CCDC178: variants seen among roughly 807,000 people sequenced by gnomAD.
CCDC178 encodes the protein coiled-coil domain-containing protein 178.
In CCDC178, 126 loss-of-function variants were observed where a neutral mutation model predicts 117.4. The observed-to-expected ratio is 1.07, with a 90% CI of 0.93 to 1.24. The LOEUF is 1.24. CCDC178 is among the 50% of genes most tolerant of loss of function. The probability of loss-of-function intolerance (pLI) is 0.00; values close to 1 mark genes in which losing one functional copy is unlikely to be tolerated. For synonymous variants in CCDC178, 283 were observed against 313.4 expected (o/e 0.90, Z 1.02); for missense variants, 1,030 against 986.9 (o/e 1.04, Z -0.59).
intron 20 of CCDC178, among the ~76,000 whole-genome samples, chr18:33,145,244 C>T (rs943385507): frequency 4.6e-5 from 7 of 152,156 alleles, no homozygotes; most frequent in African/African-American, 1.2e-4. Context: ...ATATTTATCA[C>T]GATTCCATTT....
intron 4 of CCDC178, 101 bp downstream of exon 4, chr18:33,397,048 G>A: frequency 1.3e-6 from 1 of 750,338 alleles, no homozygotes; most frequent in Non-Finnish European, 2.2e-6. Flanking sequence ...AGGAAGAACA[G>A]AAGAATGCCT....
intron 15 of CCDC178, among the ~76,000 whole-genome samples, chr18:33,236,279 G>C (rs950675257): frequency 6.6e-6 from 1 of 152,122 alleles, no homozygotes; most frequent in Non-Finnish European, 1.5e-5. Context: ...AGATTTTCAT[G>C]AATCAGTCCA....
chr18:32,962,831 C>T lies in CCDC178; in HGVS notation c.2523+11716G>A, dbSNP rs577375271. On this transcript the variant is annotated intron_variant, in intron 22 of 22. Transcript: ENST00000383096. The stretch of plus-strand genomic sequence containing the variant: ...TTTATGGTTTCAGTGCACTCACCAT[C>T]GGCAGATAATAAATCAAGTTACATT... Among the ~76,000 whole-genome samples, 13 of 152,002 alleles carry T rather than the reference C, an allele frequency of 8.6e-5. 1 individual carries two copies. Among genetic ancestry groups the T allele is most frequent in the Middle Eastern group, 6.8e-3 (2 of 294 alleles).
chr18:33,138,085 T>G (rs1312409609), intron 20 of CCDC178, among the ~76,000 whole-genome samples: 1 of 152,150 alleles, frequency 6.6e-6, no homozygotes, highest in Admixed American at 6.6e-5. Flanking sequence ...AGGGGGAAAT[T>G]TATGTGAAAG....
chr18:33,330,856 T>G (rs1055102715), intron 10 of CCDC178, among the ~76,000 whole-genome samples: 3 of 152,072 alleles, frequency 2.0e-5, no homozygotes, highest in Non-Finnish European at 4.4e-5. Context: ...TGGAGAATAA[T>G]ATGTTTTACT....
intron 15 of CCDC178, among the ~76,000 whole-genome samples, chr18:33,229,376 T>C (rs932354509): frequency 3.3e-5 from 5 of 152,322 alleles, no homozygotes; most frequent in Admixed American, 3.3e-4. Context: ...GCAGTTACAT[T>C]CACATAACAA....
intron 3 of CCDC178, among the ~76,000 whole-genome samples, chr18:33,410,410 A>C (rs2144893237): frequency 6.6e-6 from 1 of 152,344 alleles, no homozygotes; most frequent in Admixed American, 6.5e-5. Flanking sequence ...CTTTTGCTTA[A>C]GCTTTACAAA....
intron 2 of CCDC178, 76 bp from the exon 3 acceptor site, chr18:33,412,186 T>A: frequency 1.8e-6 from 1 of 562,536 alleles, no homozygotes; most frequent in South Asian, 2.8e-5. Context: ...AATTGTCAAT[T>A]CAAGAACTGA....
At chr18:33,343,352 C>T (rs1259067086) in intron 9 of CCDC178, among the ~76,000 whole-genome samples, 3 of 152,094 alleles carry the variant, frequency 2.0e-5, no homozygotes, top group Non-Finnish European at 4.4e-5. Flanking sequence ...TCATATACTA[C>T]CAAATTCATG....
chr18:33,061,523 T>A (rs1021149801), intron 21 of CCDC178, among the ~76,000 whole-genome samples: 1 of 152,198 alleles, frequency 6.6e-6, no homozygotes, highest in African/African-American at 2.4e-5. Context: ...TGCTTCCTGA[T>A]ATCGTACACT....
intron 21 of CCDC178, among the ~76,000 whole-genome samples, chr18:33,004,401 A>G (rs1026297816): frequency 6.6e-6 from 1 of 152,174 alleles, no homozygotes; most frequent in Non-Finnish European, 1.5e-5. Context: ...AGTCACTTCA[A>G]TAAATGATGA....
chr18:33,070,708 T>C (rs1394313012), intron 21 of CCDC178, among the ~76,000 whole-genome samples: 2 of 152,060 alleles, frequency 1.3e-5, no homozygotes, highest in South Asian at 4.1e-4. Flanking sequence ...TTTGAGGTGA[T>C]GGATATCTTA....
intron 20 of CCDC178, among the ~76,000 whole-genome samples, chr18:33,127,273 T>C (rs555646348): frequency 6.6e-6 from 1 of 152,272 alleles, no homozygotes; most frequent in African/African-American, 2.4e-5. Context: ...ACTTTCATAG[T>C]AACACTACAA....
intron 12 of CCDC178, among the ~76,000 whole-genome samples, chr18:33,271,861 G>A (rs766708430): frequency 2.6e-5 from 4 of 151,484 alleles, no homozygotes; most frequent in African/African-American, 4.8e-5. Context: ...AATATTTTGA[G>A]ATGAATGAGA....
At chr18:33,406,812 A>C (rs1257028695) in intron 3 of CCDC178, among the ~76,000 whole-genome samples, 1 of 152,180 alleles carries the variant, frequency 6.6e-6, no homozygotes, top group Non-Finnish European at 1.5e-5. Flanking sequence ...TAACCAGGTC[A>C]AATCTCCTAA....
chr18:33,261,228 C>T (rs915434740), intron 14 of CCDC178, among the ~76,000 whole-genome samples: 2 of 152,118 alleles, frequency 1.3e-5, no homozygotes, highest in East Asian at 1.9e-4. Flanking sequence ...GGGCTACAGG[C>T]GCCCGCCACC....
At position 33,432,556 on chromosome 18, in the gene CCDC178, C is replaced by T. The variant is rs147624103; in HGVS notation, c.-23+7406G>A. 2.6e-5 allele frequency among the ~76,000 whole-genome samples: 4 copies of T among 151,372 alleles called. No individual in the cohort carries two copies. The East Asian group carries it at 5.9e-4, about 22-fold the overall frequency. Reference sequence around the variant, plus strand: ...CTCCTTGATGCACATACCAATACCCCGTGATGCTCTTCCTTCTAATTTTAT... The same window carrying T: ...CTCCTTGATGCACATACCAATACCCTGTGATGCTCTTCCTTCTAATTTTAT... On this transcript the variant is annotated intron_variant, in intron 2 of 22. Transcript: ENST00000383096.
Position 33,388,540 on chromosome 18 carries a change from G to T in CCDC178, c.208+1000C>A, listed in dbSNP as rs1268179053. Among the ~76,000 whole-genome samples, 6 of 682 alleles carry T rather than the reference G, an allele frequency of 8.8e-3. 1 individual carries two copies. The highest frequency in any genetic ancestry group is 0.011 in the African/African-American group (5 of 470). The allele number at this position is 682 out of a possible 152,430, so 0.4% of individuals were successfully genotyped here. A position where few individuals can be genotyped will look rare whatever the true frequency, so the allele number is the denominator to read the frequency against. The stretch of plus-strand genomic sequence containing the variant: ...CGGAATTTTTTTTTTTTTTTTTTGA[G>T]ACGGAGTCTCGCTCTGTCGCCCAGG... On this transcript the variant is annotated intron_variant, in intron 5 of 22. Coordinates refer to ENST00000383096, the MANE Select transcript of CCDC178 (RefSeq NM_001105528.4).
chr18:33,440,451 G>T (rs2064367877), intron 1 of CCDC178: 1 of 152,226 alleles, frequency 6.6e-6, no homozygotes, highest in Non-Finnish European at 1.5e-5. Context: ...GTTTTCAAAC[G>T]CGCGGGGCAA....
Sources: allele counts gnomAD v4.1 joint callset (sites outside exome capture counted in the v4.1 genomes callset), GRCh38; gene constraint gnomAD v4.1.1; transcripts MANE v1.5; gene names NCBI Gene and HGNC (gene_info 2026-07-23, HGNC 2026-07-21).